The following SGSM1 variants were observed in gnomAD, a reference collection of about 807,000 sequenced individuals.
SGSM1 encodes small G protein signaling modulator 1.
SGSM1 carries 73 observed loss-of-function variants against 133.8 expected under a neutral mutation model. That is an observed-to-expected ratio of 0.55 (90% CI 0.45 to 0.66). The LOEUF (loss-of-function observed/expected upper bound fraction) is 0.66, where lower values mean the gene tolerates loss of function less well. SGSM1 is among the 30% of genes least tolerant of loss of function. The probability of loss-of-function intolerance (pLI) is 0.00; values close to 1 mark genes in which losing one functional copy is unlikely to be tolerated. For synonymous variants in SGSM1, 563 were observed against 573.0 expected (o/e 0.98, Z 0.25); for missense variants, 1,213 against 1,448.1 (o/e 0.84, Z 2.64).
chr22:24,904,207 A>C (rs1232808316), intron 20 of SGSM1, among the ~76,000 whole-genome samples: 4 of 152,158 alleles, frequency 2.6e-5, no homozygotes, highest in Non-Finnish European at 4.4e-5. Context: ...CATTTAAAAA[A>C]TGTGTACATT....
chr22:24,899,472 A>G (rs77127743), intron 19 of SGSM1, among the ~76,000 whole-genome samples: 350 of 148,726 alleles, frequency 2.4e-3, no homozygotes, highest in African/African-American at 8.4e-3. Context: ...TCTTATTTAG[A>G]TGAAGCACAT....
chr22:24,893,413 T>C lies in SGSM1; in HGVS notation c.1771-18T>C. 1.9e-6 allele frequency: 3 copies of C among 1,612,434 alleles called. No individual in the cohort carries two copies. Among genetic ancestry groups the C allele is most frequent in the South Asian group, 2.2e-5 (2 of 90,878 alleles). On this transcript the variant is annotated intron_variant, in intron 16 of 24. Transcript: ENST00000400358. ...CCCTTTGTTGACACCTCGGGTGACA[T>C]TGCATCTGCCCTGGCAGGTGGACGA...
intron 16 of SGSM1, among the ~76,000 whole-genome samples, chr22:24,887,327 C>T (rs59638481): frequency 0.055 from 8,413 of 152,142 alleles, 582 homozygotes; most frequent in African/African-American, 0.15. Flanking sequence ...ATTTTGTCAT[C>T]TCAAGAATGT....
chr22:24,826,935 A>G (rs5760692), intron 2 of SGSM1, among the ~76,000 whole-genome samples: 98,459 of 151,948 alleles, frequency 0.65, 32,367 homozygotes, highest in East Asian at 0.86. Context: ...GCCCAAGGTC[A>G]CCCAGCAAAT....
At chr22:24,900,338 CTCTTCTT>C (rs1460275601) in intron 19 of SGSM1, among the ~76,000 whole-genome samples, 4 of 133,980 alleles carry the variant, frequency 3.0e-5, no homozygotes, top group African/African-American at 6.3e-5. Context: ...TATTGTTAAC[CTCTTCTT>C]TCTTTCTTTC....
chr22:24,887,487 C>A (rs1286952962), intron 16 of SGSM1, among the ~76,000 whole-genome samples: 2 of 152,090 alleles, frequency 1.3e-5, no homozygotes, highest in African/African-American at 4.8e-5. Flanking sequence ...GCACCTGTTG[C>A]TAGACAGCTG....
intron 12 of SGSM1, among the ~76,000 whole-genome samples, chr22:24,875,335 T>C (rs1292048363): frequency 2.6e-5 from 4 of 152,226 alleles, no homozygotes; most frequent in African/African-American, 7.2e-5. Context: ...GAAAATGATA[T>C]GACATTCACA....
intron 2 of SGSM1, among the ~76,000 whole-genome samples, chr22:24,839,557 A>G (rs899759475): frequency 6.6e-6 from 1 of 152,184 alleles, no homozygotes; most frequent in Admixed American, 6.5e-5. Flanking sequence ...ATTTGAGAAG[A>G]ATTAGTTTAA....
At chr22:24,867,048 G>C in intron 9 of SGSM1, 45 bp from the exon 10 acceptor site, 1 of 1,598,186 alleles carries the variant, frequency 6.3e-7, no homozygotes, top group Non-Finnish European at 8.5e-7. Flanking sequence ...CCGCACAGTG[G>C]GGTAGGCAGA....
chr22:24,914,932 T>C (rs1933768704), intron 22 of SGSM1, among the ~76,000 whole-genome samples: 1 of 150,686 alleles, frequency 6.6e-6, no homozygotes, highest in African/African-American at 2.5e-5. Context: ...TTTTGGCCTT[T>C]ATAAACAGTG....
intron 5 of SGSM1, among the ~76,000 whole-genome samples, chr22:24,854,221 G>T (rs759903473): frequency 6.6e-6 from 1 of 152,150 alleles, no homozygotes; most frequent in African/African-American, 2.4e-5. Flanking sequence ...TGAGGCCAGT[G>T]CTCTCAATAT....
In SGSM1 at chr22:24,847,796, C is replaced by T. The variant is rs753360923; in HGVS notation, c.302C>T (p.Ala101Val). Residue 101 changes from alanine to valine, a missense_variant and splice_region_variant, in exon 4 of 25, where the codon GCG (alanine) becomes GTG (valine). Physicochemically the swap from Ala to Val is moderately conservative, Grantham distance 64 (BLOSUM62 0). Transcript: ENST00000400358. ...VQDLEQLIES[A>V]RNQIQGLQEN... ...GACCTGGAGCAGCTGATCGAGAGCG[C>T]GTGAGTGCAAAGCATGGGGCACAGG... 9.9e-6 allele frequency: 16 copies of T among 1,613,316 alleles called. No individual in the cohort carries two copies. The highest frequency in any genetic ancestry group is 1.6e-4 in the Middle Eastern group (1 of 6,070).
At chr22:24,889,258 C>G (rs117313112) in intron 16 of SGSM1, among the ~76,000 whole-genome samples, 1 of 151,976 alleles carries the variant, frequency 6.6e-6, no homozygotes, top group Non-Finnish European at 1.5e-5. Flanking sequence ...CCGTGCCCGG[C>G]CCTCATAGTC....
At chr22:24,817,708 G>A (rs8140594) in intron 2 of SGSM1, among the ~76,000 whole-genome samples, 43,003 of 151,848 alleles carry the variant, frequency 0.28, 6,682 homozygotes, top group East Asian at 0.58. Flanking sequence ...AAATACCCAA[G>A]TACGGTTTAG....
chr22:24,841,846 C>T (rs151237667), intron 2 of SGSM1, among the ~76,000 whole-genome samples: 1 of 152,242 alleles, frequency 6.6e-6, no homozygotes, highest in Admixed American at 6.5e-5. Flanking sequence ...ACTGCAACCT[C>T]TGCCTCCCAA....
intron 4 of SGSM1, among the ~76,000 whole-genome samples, chr22:24,849,784 G>A (rs548039342): frequency 6.6e-6 from 1 of 152,334 alleles, no homozygotes; most frequent in Admixed American, 6.5e-5. Flanking sequence ...GGAAGAAGCG[G>A]CAGCCCAGGG....
chr22:24,896,065 A>G (rs117063373), intron 18 of SGSM1, among the ~76,000 whole-genome samples: 1,570 of 152,246 alleles, frequency 0.01, 44 homozygotes, highest in East Asian at 0.064. Flanking sequence ...ACGCACACAC[A>G]AAGCCAAGTG....
chr22:24,895,476 C>T (rs1932893931), intron 18 of SGSM1, among the ~76,000 whole-genome samples, 185 bp downstream of exon 18: 1 of 152,092 alleles, frequency 6.6e-6, no homozygotes, highest in Middle Eastern at 3.4e-3. Context: ...GATCTATCAC[C>T]CCTGCAAAAA....
In SGSM1 at chr22:24,901,887, C is replaced by T; in HGVS notation, c.2665C>T (p.Gln889Ter). The T allele has an allele frequency of 6.2e-7, 1 of 1,610,092 alleles. No homozygotes were observed. Among genetic ancestry groups the T allele is most frequent in the Non-Finnish European group, 8.5e-7 (1 of 1,178,488 alleles). ...CCTGCACCGCATCGAGAAGGATGTG[C>T]AGAGGTGCGACCGCAACTACTGGTA... ...VNLHRIEKDVQRCDRNYWYFT... is the reference protein window; with the variant it reads ...VNLHRIEKDV The change falls in exon 20 of 25, where the codon CAG becomes TAG. Residue 889 changes from glutamine (Q) to a stop codon, truncating the protein, a stop_gained. Transcript: ENST00000400358. LOFTEE classifies it high-confidence loss of function.
Sources: allele counts gnomAD v4.1 joint callset (sites outside exome capture counted in the v4.1 genomes callset), GRCh38; gene constraint gnomAD v4.1.1; transcripts MANE v1.5; gene names NCBI Gene and HGNC (gene_info 2026-07-23, HGNC 2026-07-21).